The following PLEKHG1 variants were observed in gnomAD, a reference collection of about 807,000 sequenced individuals.
PLEKHG1 encodes the protein pleckstrin homology domain-containing family G member 1.
Under a neutral mutation model 100.8 loss-of-function variants are expected in PLEKHG1, and 44 were observed. The ratio of observed to expected loss-of-function variants is 0.44; its 90% CI spans 0.34 to 0.56. The LOEUF (loss-of-function observed/expected upper bound fraction) is 0.56. Among genes scored for constraint, PLEKHG1 ranks in the 20% least tolerant of loss-of-function variants. The pLI is 0.01. For missense variants in PLEKHG1, 1,545 were observed against 1,720.9 expected (o/e 0.90, Z 1.81); for synonymous variants, 640 against 662.5 (o/e 0.97, Z 0.52).
At chr6:150,668,010 C>G (rs1779463903) in intron 3 of PLEKHG1, among the ~76,000 whole-genome samples, 1 of 152,174 alleles carries the variant, frequency 6.6e-6, no homozygotes, top group Non-Finnish European at 1.5e-5. Flanking sequence ...ACAAGGGCGG[C>G]TAAAATACGT....
At chr6:150,693,774 C>G (rs551250011) in intron 3 of PLEKHG1, among the ~76,000 whole-genome samples, 2 of 152,304 alleles carry the variant, frequency 1.3e-5, no homozygotes, top group African/African-American at 4.8e-5. Flanking sequence ...ACCAATCATG[C>G]ATAAATCATA....
chr6:150,682,549 G>T (rs1199159919), intron 3 of PLEKHG1, among the ~76,000 whole-genome samples: 2 of 152,012 alleles, frequency 1.3e-5, no homozygotes, highest in African/African-American at 4.8e-5. Flanking sequence ...AAGGCAGAGG[G>T]AGACTAAACT....
intron 2 of PLEKHG1, among the ~76,000 whole-genome samples, chr6:150,746,443 C>T (rs868171591): frequency 6.6e-6 from 1 of 152,228 alleles, no homozygotes; most frequent in Middle Eastern, 3.4e-3. Context: ...CTATGATAGA[C>T]CCTTGCCAAA....
chr6:150,838,956 G>T (rs1466376269), intron 15 of PLEKHG1, among the ~76,000 whole-genome samples: 1 of 152,136 alleles, frequency 6.6e-6, no homozygotes, highest in African/African-American at 2.4e-5. Context: ...GTAGACATTG[G>T]TTCCCCAGAC....
intron 10 of PLEKHG1, among the ~76,000 whole-genome samples, chr6:150,811,282 T>TC (rs1006125226): frequency 4.6e-5 from 7 of 151,614 alleles, no homozygotes; most frequent in African/African-American, 1.7e-4. Context: ...TGTTTTTTTT[T>TC]TTTTAAAGAC....
At chr6:150,623,769 C>A (rs1011486065) in intron 1 of PLEKHG1, among the ~76,000 whole-genome samples, 3 of 152,220 alleles carry the variant, frequency 2.0e-5, no homozygotes, top group Non-Finnish European at 4.4e-5. Context: ...ATGTGCCTCT[C>A]TGAGCATCCG....
At chr6:150,693,657 A>T (rs1780429509) in intron 3 of PLEKHG1, among the ~76,000 whole-genome samples, 1 of 151,692 alleles carries the variant, frequency 6.6e-6, no homozygotes, top group South Asian at 2.1e-4. Context: ...CTGCTTTCTC[A>T]CCCGCTCTAA....
chr6:150,838,124 T>G (rs752287132), intron 15 of PLEKHG1, among the ~76,000 whole-genome samples: 28 of 152,202 alleles, frequency 1.8e-4, no homozygotes, highest in Non-Finnish European at 3.7e-4. Flanking sequence ...AAATGAGTAT[T>G]TATTAGTAGT....
intron 3 of PLEKHG1, among the ~76,000 whole-genome samples, chr6:150,681,229 A>G (rs1218425706): frequency 6.6e-6 from 1 of 152,172 alleles, no homozygotes; most frequent in Non-Finnish European, 1.5e-5. Flanking sequence ...TGGAGAAAAG[A>G]AAGGATAATA....
chr6:150,831,601 A>G lies in PLEKHG1; in HGVS notation c.2490A>G (p.Lys830=), dbSNP rs1365729255. 6.2e-7 allele frequency: 1 copy of G among 1,614,152 alleles called. No homozygotes were observed. Among genetic ancestry groups the G allele is most frequent in the Admixed American group, 1.7e-5 (1 of 60,022 alleles). The change falls in exon 15 of 16, where the codon AAA becomes AAG. Residue 830 remains lysine (K), a synonymous_variant. Coordinates refer to ENST00000358517, the Ensembl canonical transcript of PLEKHG1. The surrounding 1 kb of genome is among the most constrained non-coding windows in gnomAD (Gnocchi z 4.1). ...TGCCTCATAAGCCTGTATCTGATAAACTGTCCGAAGAAGTAGATGAAATCT... is the reference window on the plus strand; with the variant it reads ...TGCCTCATAAGCCTGTATCTGATAAGCTGTCCGAAGAAGTAGATGAAATCT...
intron 3 of PLEKHG1, among the ~76,000 whole-genome samples, chr6:150,664,703 G>A (rs1020099448): frequency 3.3e-5 from 5 of 152,092 alleles, no homozygotes; most frequent in African/African-American, 1.2e-4. Context: ...CTCCTTGACT[G>A]GAAGGTGCTG....
chr6:150,704,172 TTGCTGG>T (rs1238665062), intron 3 of PLEKHG1, among the ~76,000 whole-genome samples: 4 of 152,164 alleles, frequency 2.6e-5, no homozygotes, highest in African/African-American at 9.7e-5. Context: ...GGGGCGATGT[TTGCTGG>T]TGCTGTCCTC....
chr6:150,747,841 A>G (rs1385199718), intron 2 of PLEKHG1, among the ~76,000 whole-genome samples: 2 of 151,934 alleles, frequency 1.3e-5, no homozygotes, highest in African/African-American at 4.8e-5. Context: ...GGTTGCAGTG[A>G]GCCAAGATCG....
At chr6:150,824,160 C>G (rs962999178) in intron 14 of PLEKHG1, among the ~76,000 whole-genome samples, 3 of 152,200 alleles carry the variant, frequency 2.0e-5, no homozygotes, top group African/African-American at 7.2e-5. Context: ...TCGAATGAGA[C>G]TTTGTCATAT....
chr6:150,793,102 A>G (rs1292935445), intron 4 of PLEKHG1, among the ~76,000 whole-genome samples: 3 of 152,208 alleles, frequency 2.0e-5, no homozygotes, highest in Non-Finnish European at 4.4e-5. Context: ...CATTATTTTG[A>G]AAATTAAAGG....
chr6:150,716,854 TTTTTTG>T (rs1781465085), upstream of PLEKHG1, among the ~76,000 whole-genome samples: 1 of 2,852 alleles, frequency 3.5e-4, no homozygotes, highest in South Asian at 4.4e-3. Flanking sequence ...GGGAAGGGAT[TTTTTTG>T]TTTTTGTTTG....
rs1259416342 is a variant in PLEKHG1 at position 150,600,080 on chromosome 6, G to C, written c.-204+63G>C. On this transcript the variant is annotated intron_variant, in intron 1 of 3. Coordinates refer to the PLEKHG1 transcript ENST00000367326. This position sits in a 1 kb window ranked among gnomAD's most constrained non-coding sequence, Gnocchi z 6.2. ...TCCAGGGATGGGAGGGGGGACCCGG[G>C]GACCTCCGGCGGGAGCCCCACATCC... The C allele has an allele frequency of 1.6e-5, 3 of 182,130 alleles. No individual in the cohort carries two copies. Among genetic ancestry groups the C allele is most frequent in the African/African-American group, 7.2e-5 (3 of 41,570 alleles). The allele number at this position is 182,130 out of a possible 1,614,324, so 11.3% of individuals were successfully genotyped here.
chr6:150,840,088 A>G, exon 16 of PLEKHG1: 1 of 1,614,206 alleles, frequency 6.2e-7, no homozygotes, highest in Non-Finnish European at 8.5e-7. Context: ...ATCAATACAA[A>G]AAGTACTCCC....
intron 3 of PLEKHG1, among the ~76,000 whole-genome samples, chr6:150,684,633 C>T (rs188208513): frequency 1.6e-3 from 251 of 152,230 alleles, no homozygotes; most frequent in Non-Finnish European, 2.9e-3. Context: ...ATTTTTGGAT[C>T]TGTGGCAGCA....
Sources: gnomAD v4.1 joint callset for allele counts (sites outside exome capture counted in the v4.1 genomes callset) on GRCh38, gnomAD v4.1.1 for gene constraint, Gnocchi (gnomAD v3.1) non-coding constraint, MANE v1.5 for transcripts, NCBI Gene and HGNC (gene_info 2026-07-23, HGNC 2026-07-21) for gene names.